The following CACNB2 variants were observed in gnomAD, a reference collection of about 807,000 sequenced individuals.
The protein encoded by CACNB2 is voltage-dependent L-type calcium channel subunit beta-2.
In CACNB2, 42 loss-of-function variants were observed where a neutral mutation model predicts 73.3. That is an observed-to-expected ratio of 0.57 (90% CI 0.45 to 0.74). The LOEUF is 0.74. CACNB2 is among the 30% of genes least tolerant of loss of function. The pLI is 0.00. For synonymous variants in CACNB2, 348 were observed against 310.3 expected (o/e 1.12, Z -1.28); for missense variants, 940 against 853.0 (o/e 1.10, Z -1.27).
chr10:18,479,409 G>A (rs2048605062), intron 3 of CACNB2, among the ~76,000 whole-genome samples: 1 of 151,958 alleles, frequency 6.6e-6, no homozygotes, highest in South Asian at 2.1e-4. Context: ...GATGACTTTT[G>A]AGAACCATAA....
rs543669046 is a variant in CACNB2, at chr10:18,204,495, A to T, written c.213+53520A>T. On this transcript the variant is annotated intron_variant, in intron 2 of 13. Coordinates refer to ENST00000324631, the MANE Select transcript of CACNB2 (RefSeq NM_201596.3). ...CTAATTGACAAAAGCAGAATCTTTTATTTTCTTTCTTGAAAGTGATAGTTT... is the reference window on the plus strand; with the variant it reads ...CTAATTGACAAAAGCAGAATCTTTTTTTTTCTTTCTTGAAAGTGATAGTTT... Among the ~76,000 whole-genome samples, 231 of 152,202 alleles carry T rather than the reference A, an allele frequency of 1.5e-3. 2 individuals are homozygous for T. Among genetic ancestry groups the T allele is most frequent in the Non-Finnish European group, 2.6e-3 (178 of 67,970 alleles).
At chr10:18,195,939 T>G (rs1452826867) in intron 2 of CACNB2, among the ~76,000 whole-genome samples, 1 of 152,236 alleles carries the variant, frequency 6.6e-6, no homozygotes, top group African/African-American at 2.4e-5. Context: ...AGCTTTTATC[T>G]GGATCTCTGT....
rs1395156091 is a variant in CACNB2 at position 18,524,844 on chromosome 10, A to G, written c.945-2744A>G. On this transcript the variant is annotated intron_variant, in intron 9 of 13. Coordinates refer to ENST00000324631, the MANE Select transcript of CACNB2 (RefSeq NM_201596.3). ...GTTTCAGACCAGCCTGGGCAACATA[A>G]TGAGGCCCTGTTTCTACTAAAAAAA... Among the ~76,000 whole-genome samples the G allele has an allele frequency of 2.0e-5, 3 of 148,852 alleles. No individual in the cohort carries two copies. In the East Asian group the frequency reaches 6.0e-4, roughly 30 times the overall value.
chr10:18,371,672 T>C (rs1338195212), intron 2 of CACNB2, among the ~76,000 whole-genome samples: 1 of 152,242 alleles, frequency 6.6e-6, no homozygotes, highest in Non-Finnish European at 1.5e-5. Flanking sequence ...TACATGTGCA[T>C]GTGTCTTTAT....
chr10:18,281,347 T>A (rs966784374), intron 2 of CACNB2, among the ~76,000 whole-genome samples: 23 of 152,344 alleles, frequency 1.5e-4, no homozygotes, highest in African/African-American at 5.1e-4. Context: ...GAGCACCTAT[T>A]AAATGCTTGG....
At position 18,232,943 on chromosome 10, in the gene CACNB2, C is replaced by T. The variant is rs190971063; in HGVS notation, c.213+81968C>T. Among the ~76,000 whole-genome samples, 244 of 152,160 alleles carry T rather than the reference C, an allele frequency of 1.6e-3. 1 individual carries two copies. Among genetic ancestry groups the T allele is most frequent in the South Asian group, 3.9e-3 (19 of 4,812 alleles). On this transcript the variant is annotated intron_variant, in intron 2 of 13. Coordinates refer to ENST00000324631, the MANE Select transcript of CACNB2 (RefSeq NM_201596.3). Reference sequence around the variant, plus strand: ...TCTACAAAAAGTACAAAAAATTAGCCGGGTGTGGTGGCACACACCTGTAAT... The same window carrying T: ...TCTACAAAAAGTACAAAAAATTAGCTGGGTGTGGTGGCACACACCTGTAAT...
At chr10:18,279,845 T>G (rs2038465232) in intron 2 of CACNB2, among the ~76,000 whole-genome samples, 1 of 152,126 alleles carries the variant, frequency 6.6e-6, no homozygotes, top group African/African-American at 2.4e-5. Flanking sequence ...TTTGGGAGGC[T>G]GAGGTGGGCA....
intron 2 of CACNB2, among the ~76,000 whole-genome samples, chr10:18,349,945 A>T (rs765392893): frequency 6.6e-6 from 1 of 152,088 alleles, no homozygotes; most frequent in Non-Finnish European, 1.5e-5. Flanking sequence ...TATTATTATT[A>T]TTTTTAATTC....
intron 2 of CACNB2, chr10:18,260,971 T>C: frequency 7.5e-7 from 1 of 1,328,260 alleles, no homozygotes; most frequent in South Asian, 1.6e-5. Context: ...AATACTTACT[T>C]CCGGAAAATT....
intron 7 of CACNB2, 106 bp from the exon 8 acceptor site, chr10:18,518,229 GA>G: frequency 1.2e-6 from 1 of 806,376 alleles, no homozygotes; most frequent in Non-Finnish European, 2.2e-6. Flanking sequence ...AAAATGTCTG[GA>G]AAGCCAGTGC....
At chr10:18,336,094 G>T (rs938502841) in intron 2 of CACNB2, among the ~76,000 whole-genome samples, 1 of 152,104 alleles carries the variant, frequency 6.6e-6, no homozygotes, top group Non-Finnish European at 1.5e-5. Context: ...TTTAAAACTG[G>T]CATCTAAATA....
At chr10:18,277,508 C>T (rs2038350834) in intron 2 of CACNB2, among the ~76,000 whole-genome samples, 2 of 152,136 alleles carry the variant, frequency 1.3e-5, no homozygotes, top group Admixed American at 1.3e-4. Flanking sequence ...TATGATCAAC[C>T]AAGGAGACAA....
intron 2 of CACNB2, among the ~76,000 whole-genome samples, chr10:18,183,177 C>A (rs1398929311): frequency 6.6e-6 from 1 of 151,980 alleles, no homozygotes; most frequent in Admixed American, 6.6e-5. Flanking sequence ...ACCCACACAC[C>A]AGGATTAAAT....
chr10:18,400,040 A>G (rs1196505724), intron 2 of CACNB2, among the ~76,000 whole-genome samples: 2 of 152,156 alleles, frequency 1.3e-5, no homozygotes, highest in Non-Finnish European at 2.9e-5. Flanking sequence ...CAGTGGCTTT[A>G]TTTCAAATGG....
chr10:18,242,111 A>G (rs548208069), intron 2 of CACNB2, among the ~76,000 whole-genome samples: 8 of 6,772 alleles, frequency 1.2e-3, no homozygotes, highest in Non-Finnish European at 2.1e-3. Flanking sequence ...ATATGTATAC[A>G]TGTGTGTGTG....
intron 2 of CACNB2, among the ~76,000 whole-genome samples, chr10:18,316,542 C>T (rs148072150): frequency 9.7e-4 from 147 of 151,400 alleles, no homozygotes; most frequent in African/African-American, 3.4e-3. Flanking sequence ...TAGCTCATTA[C>T]AGCCTCCAAC....
chr10:18,395,117 A>G (rs1001556843), intron 2 of CACNB2, among the ~76,000 whole-genome samples: 5 of 151,816 alleles, frequency 3.3e-5, no homozygotes, highest in African/African-American at 1.2e-4. Flanking sequence ...AAGAGAAGGG[A>G]GAGAGAGAGA....
rs2043944412 is a variant in CACNB2, at chr10:18,400,637, C to T, written c.214-1287C>T. On this transcript the variant is annotated intron_variant, in intron 2 of 13. Transcript: ENST00000324631. ...AAATGTCACTGCATACGTTTTTGCACTAGTTTTTTTTTTTTTTTTTCTGCG... is the reference window on the plus strand; with the variant it reads ...AAATGTCACTGCATACGTTTTTGCATTAGTTTTTTTTTTTTTTTTTCTGCG... 4.0e-6 allele frequency: 4 copies of T among 1,000,672 alleles called. No individual in the cohort carries two copies. In the African/African-American group the frequency reaches 7.3e-5, roughly 18 times the overall value. 62.0% of individuals were successfully genotyped at this position (1,000,672 alleles called of 1,614,324 possible). A position where few individuals can be genotyped will look rare whatever the true frequency, so the allele number is the denominator to read the frequency against.
At chr10:18,217,305 A>G (rs1472012200) in intron 2 of CACNB2, among the ~76,000 whole-genome samples, 5 of 152,062 alleles carry the variant, frequency 3.3e-5, no homozygotes, top group Non-Finnish European at 5.9e-5. Flanking sequence ...CCAACATGGT[A>G]AAACCCCATC....
Sources: gnomAD v4.1 joint callset for allele counts (sites outside exome capture counted in the v4.1 genomes callset) on GRCh38, gnomAD v4.1.1 for gene constraint, MANE v1.5 for transcripts, NCBI Gene and HGNC (gene_info 2026-07-23, HGNC 2026-07-21) for gene names.